The following PAK1 variants were observed in gnomAD, a reference collection of about 807,000 sequenced individuals.
The protein encoded by PAK1 is serine/threonine-protein kinase PAK 1.
A neutral mutation model predicts 67.4 loss-of-function variants in PAK1; 29 were observed. The ratio of observed to expected loss-of-function variants is 0.43; its 90% CI spans 0.32 to 0.59. The LOEUF is 0.59. PAK1 is among the 20% of genes least tolerant of loss of function. PAK1 has a pLI of 0.07. For missense variants in PAK1, 337 were observed against 670.7 expected (o/e 0.50, Z 5.50); for synonymous variants, 223 against 237.4 (o/e 0.94, Z 0.56).
In PAK1 at chr11:77,386,573, C is replaced by T. The variant is rs372382373; in HGVS notation, c.190+5758G>A. ...CATTTATGCATCCCCCAGGCACATACTGAGGCCATGCTAGAGAGGTCAGCA... is the reference window on the plus strand; with the variant it reads ...CATTTATGCATCCCCCAGGCACATATTGAGGCCATGCTAGAGAGGTCAGCA... On this transcript the variant is annotated intron_variant, in intron 2 of 14. Coordinates refer to ENST00000356341, the MANE Select transcript of PAK1 (RefSeq NM_002576.5). Among the ~76,000 whole-genome samples the T allele has an allele frequency of 2.3e-4, 35 of 152,288 alleles. No homozygotes were observed. In the East Asian group the frequency reaches 4.1e-3, roughly 18 times the overall value.
the PAK1 span, among the ~76,000 whole-genome samples, chr11:77,515,989 T>C: frequency 3.3e-5 from 5 of 152,136 alleles, no homozygotes; most frequent in African/African-American, 1.2e-4. Flanking sequence ...CCCTCCAAGG[T>C]AATATGATGG....
At chr11:77,441,782 G>A (rs995816727) in intron 1 of PAK1, among the ~76,000 whole-genome samples, 2 of 152,214 alleles carry the variant, frequency 1.3e-5, no homozygotes, top group Non-Finnish European at 2.9e-5. Context: ...CTGAATGTGA[G>A]TTTTTAAAAG....
At chr11:77,399,305 A>G (rs547824014) in intron 1 of PAK1, among the ~76,000 whole-genome samples, 6 of 152,222 alleles carry the variant, frequency 3.9e-5, no homozygotes, top group Non-Finnish European at 7.3e-5. Context: ...AGAACAGTAC[A>G]AACAGTAAAA....
chr11:77,334,154 G>A (rs1216183041), intron 13 of PAK1, among the ~76,000 whole-genome samples: 2 of 150,850 alleles, frequency 1.3e-5, no homozygotes, highest in Non-Finnish European at 2.9e-5. Context: ...AGGTGACAGA[G>A]TGAGACTCCA....
intron 1 of PAK1, among the ~76,000 whole-genome samples, chr11:77,401,796 C>T (rs1952722473): frequency 6.6e-6 from 1 of 152,226 alleles, no homozygotes; most frequent in African/African-American, 2.4e-5. Context: ...CGAAATGTAA[C>T]AGCATTCTAT....
At chr11:77,377,803 T>C (rs905296329) in intron 4 of PAK1, among the ~76,000 whole-genome samples, 3 of 152,156 alleles carry the variant, frequency 2.0e-5, no homozygotes, top group African/African-American at 7.2e-5. Context: ...CCATGACAAG[T>C]TCCTTAAACA....
intron 14 of PAK1, among the ~76,000 whole-genome samples, chr11:77,327,858 G>A (rs1225477): frequency 0.69 from 105,246 of 151,908 alleles, 37,150 homozygotes; most frequent in African/African-American, 0.82. Context: ...TAAAGAGTCA[G>A]GACTCATCAG....
intron 1 of PAK1, among the ~76,000 whole-genome samples, chr11:77,415,958 T>C (rs1295048911): frequency 2.3e-5 from 3 of 131,484 alleles, no homozygotes; most frequent in Non-Finnish European, 3.3e-5. Flanking sequence ...TTATTCTATA[T>C]GCTTTTTTGT....
chr11:77,439,453 T>C (rs753349620), intron 1 of PAK1, among the ~76,000 whole-genome samples: 5 of 152,198 alleles, frequency 3.3e-5, no homozygotes, highest in Non-Finnish European at 5.9e-5. Flanking sequence ...AGTACACAGA[T>C]ACTGGAAAAC....
At chr11:77,336,018 T>C (rs1942632925) in intron 13 of PAK1, 68 bp downstream of exon 13, 1 of 1,017,310 alleles carries the variant, frequency 9.8e-7, no homozygotes, top group Non-Finnish European at 1.5e-6. Flanking sequence ...GAGAACACCC[T>C]GGATTCTTAT....
At chr11:77,331,780 GTAT>G (rs1261948975) in intron 14 of PAK1, among the ~76,000 whole-genome samples, 1 of 133,236 alleles carries the variant, frequency 7.5e-6, no homozygotes, top group Non-Finnish European at 1.6e-5. Context: ...AAACTTAAAA[GTAT>G]AATAATAATA....
intron 1 of PAK1, among the ~76,000 whole-genome samples, chr11:77,394,488 T>C (rs1951579369): frequency 6.6e-6 from 1 of 152,090 alleles, no homozygotes; most frequent in Non-Finnish European, 1.5e-5. Flanking sequence ...CACATCCAGT[T>C]TTTTCCTCAA....
chr11:77,339,447 G>C (rs1226057158), intron 11 of PAK1, among the ~76,000 whole-genome samples: 1 of 151,642 alleles, frequency 6.6e-6, no homozygotes, highest in African/African-American at 2.4e-5. Flanking sequence ...TTAAGAAGGA[G>C]ATAATGAAAA....
intron 5 of PAK1, among the ~76,000 whole-genome samples, chr11:77,361,168 A>G (rs1479645357): frequency 6.6e-6 from 1 of 152,146 alleles, no homozygotes; most frequent in Non-Finnish European, 1.5e-5. Context: ...TCTGCTCCAT[A>G]TAGGAGCAGA....
upstream of PAK1, chr11:77,477,154 G>A (rs1958068633): frequency 6.6e-6 from 1 of 152,226 alleles, no homozygotes; most frequent in Admixed American, 6.5e-5. Context: ...CAAAGCTGCA[G>A]CTGAAATCAG....
intron 1 of PAK1, among the ~76,000 whole-genome samples, chr11:77,416,690 A>G (rs1244069215): frequency 1.3e-5 from 2 of 152,250 alleles, no homozygotes; most frequent in Non-Finnish European, 2.9e-5. Context: ...GCTGTGGCTG[A>G]CGCCTGTAAT....
intron 11 of PAK1, among the ~76,000 whole-genome samples, chr11:77,339,826 A>ATTT (rs550020225): frequency 1.4e-5 from 2 of 144,118 alleles, no homozygotes; most frequent in African/African-American, 2.5e-5. Context: ...TGGTTTTGGT[A>ATTT]TTTTTTTTTT....
At chr11:77,412,043 G>A (rs1196063869) in intron 1 of PAK1, 7 of 152,274 alleles carry the variant, frequency 4.6e-5, no homozygotes, top group African/African-American at 9.6e-5. Context: ...GAAGCCGCGC[G>A]CTTCTCCTTT....
chr11:77,507,958 T>C, the PAK1 span, among the ~76,000 whole-genome samples: 1 of 152,218 alleles, frequency 6.6e-6, no homozygotes, highest in Non-Finnish European at 1.5e-5. Context: ...TCCAGATCTC[T>C]CCAGCACTCC....
Sources: allele counts gnomAD v4.1 joint callset (sites outside exome capture counted in the v4.1 genomes callset), GRCh38; gene constraint gnomAD v4.1.1; transcripts MANE v1.5; gene names NCBI Gene and HGNC (gene_info 2026-07-23, HGNC 2026-07-21).